Variants in SHOX observed in about 807,000 individuals in gnomAD.
SHOX encodes the protein SHOX homeobox.
Under a neutral mutation model 29.6 loss-of-function variants are expected in SHOX, and 12 were observed. That is an observed-to-expected ratio of 0.41 (90% confidence interval 0.26 to 0.66). SHOX has a LOEUF of 0.66. SHOX is among the 30% of genes least tolerant of loss of function. The pLI, the probability that SHOX is intolerant of heterozygous loss-of-function variation, is 0.35. For missense variants in SHOX, 499 were observed against 437.7 expected, an observed-to-expected ratio of 1.14 and a Z score of -1.25; for synonymous variants, 214 against 200.6, an observed-to-expected ratio of 1.07 and a Z score of -0.57.
chrX:638,560 G>A (rs2052796340), intron 2 of SHOX, among the ~76,000 whole-genome samples: 1 of 152,168 alleles, frequency 6.6e-6, no homozygotes, highest in African/African-American at 2.4e-5. Context: ...GACTTTGCTG[G>A]GAAACAGGAT....
At chrX:641,115 TC>T in intron 4 of SHOX, 28 bp downstream of exon 4, 1 of 1,600,932 alleles carries the variant, frequency 6.2e-7, no homozygotes, top group Non-Finnish European at 8.6e-7. Context: ...CCTCTGAAGA[TC>T]CCTAGGGACC....
downstream of SHOX, among the ~76,000 whole-genome samples, chrX:655,230 C>T (rs985666601): frequency 6.6e-6 from 1 of 151,882 alleles, no homozygotes; most frequent in Non-Finnish European, 1.5e-5. Context: ...GCCTCAGCCT[C>T]CCGAGTAGCT....
upstream of SHOX, among the ~76,000 whole-genome samples, chrX:629,687 C>T (rs1194192341): frequency 1.3e-5 from 2 of 152,132 alleles, no homozygotes; most frequent in African/African-American, 4.8e-5. Context: ...TCCTGGGTCC[C>T]CAGGCCCCGC....
chrX:624,902 CTCT>C (rs2052485162), intron 1 of SHOX, among the ~76,000 whole-genome samples: 10 of 55,714 alleles, frequency 1.8e-4, no homozygotes, highest in South Asian at 6.3e-4. Flanking sequence ...TTCTTTCTTT[CTCT>C]CTTCCTTTCT....
Position 631,072 on chromosome X carries a change from A to T in SHOX, c.175A>T (p.Ile59Phe). The T allele has an allele frequency of 6.2e-7, 1 of 1,613,766 alleles. No homozygotes were observed. ...LGTSDSSLQD[I>F]TEGGGHCPVH... ...GACGTCGGATTCCAGCCTCCAGGAC[A>T]TCACGGAGGGCGGCGGCCACTGCCC... The change falls in exon 1 of 5, where the codon ATC becomes TTC. Residue 59 changes from isoleucine (I) to phenylalanine (F), a missense_variant. By Grantham distance (21) the Ile-to-Phe change is conservative (BLOSUM62 0). Transcript: ENST00000686671.
At position 651,456 on chromosome X, in the gene SHOX, C is replaced by T. The variant is rs1207505513; in HGVS notation, c.*6820C>T. ...ACCACCCTGAGTTTCTCTGGTGACG[C>T]CCTCATTCTCCTAACGTTCAATAAT... On this transcript the variant is annotated 3_prime_UTR_variant, in exon 5 of 5. Transcript: ENST00000686671. 7 of 450,136 alleles carry T rather than the reference C, an allele frequency of 1.6e-5. No homozygotes were observed. The highest frequency in any genetic ancestry group is 1.4e-4 in the African/African-American group (7 of 49,356). 27.9% of individuals were successfully genotyped at this position (450,136 alleles called of 1,614,324 possible).
chrX:652,030 C>G (rs1346432026), downstream of SHOX, among the ~76,000 whole-genome samples: 1 of 152,088 alleles, frequency 6.6e-6, no homozygotes, highest in African/African-American at 2.4e-5. Flanking sequence ...TCAAGCGACT[C>G]TCCTGCCTCA....
upstream of SHOX, among the ~76,000 whole-genome samples, chrX:626,430 T>C (rs1440414147): frequency 1.0e-5 from 1 of 99,328 alleles, no homozygotes; most frequent in Non-Finnish European, 2.2e-5. Context: ...TCTGTCTTCG[T>C]TCCTCTCTCT....
downstream of SHOX, among the ~76,000 whole-genome samples, chrX:651,641 G>A (rs1328378629): frequency 2.8e-5 from 3 of 107,528 alleles, no homozygotes; most frequent in South Asian, 3.2e-4. Context: ...AGGCTTATTG[G>A]AAAAAAAAAA....
At position 644,925 on chromosome X, in the gene SHOX, A is replaced by C; in HGVS notation, c.*289A>C. On this transcript the variant is annotated 3_prime_UTR_variant, in exon 5 of 5. Transcript: ENST00000686671. ...GCGTCCTGGGACCCTGGAGAAGGGT[A>C]AACCCCCGCCTGGCTGCGTCTTCCT... The C allele has an allele frequency of 2.4e-6, 1 of 418,326 alleles. No individual in the cohort carries two copies. Among genetic ancestry groups the C allele is most frequent in the East Asian group, 4.1e-5 (1 of 24,428 alleles). The allele number at this position is 418,326 out of a possible 1,614,324, so 25.9% of individuals were successfully genotyped here. A position where few individuals can be genotyped will look rare whatever the true frequency, so the allele number is the denominator to read the frequency against.
At chrX:624,964 G>C (rs1004589260) in intron 1 of SHOX, among the ~76,000 whole-genome samples, 2 of 128,538 alleles carry the variant, frequency 1.6e-5, no homozygotes, top group Non-Finnish European at 3.2e-5. Flanking sequence ...ATTGCTTTTG[G>C]AGCTTTCCTT....
chrX:627,176 G>A (rs1431161186), upstream of SHOX, among the ~76,000 whole-genome samples: 4 of 152,164 alleles, frequency 2.6e-5, no homozygotes, highest in African/African-American at 9.7e-5. Context: ...CTTTCTGCCT[G>A]CAGCCGCCTG....
Position 649,069 on chromosome X carries a change from A to C in SHOX, c.*4433A>C. Among the ~76,000 whole-genome samples the C allele has an allele frequency of 7.3e-6, 1 of 137,400 alleles. No individual in the cohort carries two copies. Among genetic ancestry groups the C allele is most frequent in the African/African-American group, 2.7e-5 (1 of 36,472 alleles). 90.1% of individuals were successfully genotyped at this position (137,400 alleles called of 152,430 possible). On this transcript the variant is annotated 3_prime_UTR_variant, in exon 5 of 5. Coordinates refer to ENST00000686671, the MANE Select transcript of SHOX (RefSeq NM_000451.4). ...TTCTTTCTTTCTTCGATGAAGTCTC[A>C]CTCTGTCACCCAGGCTGGAGTGCAG...
At chrX:636,970 A>ATATATATATATATATATATATTTTTTTTT (rs1458275715) in intron 2 of SHOX, among the ~76,000 whole-genome samples, 1 of 137,330 alleles carries the variant, frequency 7.3e-6, no homozygotes, top group Admixed American at 7.6e-5. Flanking sequence ...ATATATATAT[A>ATATATATATATATATATATATTTTTTTTT]TTTTGGCTCC....
At chrX:640,128 T>C (rs1343183761) in intron 2 of SHOX, among the ~76,000 whole-genome samples, 2 of 152,080 alleles carry the variant, frequency 1.3e-5, no homozygotes, top group Non-Finnish European at 2.9e-5. Flanking sequence ...GTGGATCGCT[T>C]GAGGTCAGGA....
At position 630,955 on chromosome X, in the gene SHOX, A is replaced by G. The variant is rs1222199010; in HGVS notation, c.58A>G (p.Asn20Asp). The G allele has an allele frequency of 3.7e-6, 6 of 1,613,816 alleles. No homozygotes were observed. Among genetic ancestry groups the G allele is most frequent in the Middle Eastern group, 1.7e-4 (1 of 6,056 alleles). The change falls in exon 1 of 5, where the codon AAC becomes GAC. Residue 20 changes from asparagine to aspartate, a missense_variant. Asn to Asp is a conservative substitution (Grantham distance 23, BLOSUM62 1). Coordinates refer to ENST00000686671, the MANE Select transcript of SHOX (RefSeq NM_000451.4). ...TTTTGACCAGAAAAGCAAGGACGGTAACGGCGGAGGCGGAGGCGGCGGAGG... is the reference window on the plus strand; with the variant it reads ...TTTTGACCAGAAAAGCAAGGACGGTGACGGCGGAGGCGGAGGCGGCGGAGG... ...KSFDQKSKDG[N>D]GGGGGGGGKK...
At chrX:634,536 C>G in intron 1 of SHOX, 82 bp from the exon 2 acceptor site, 1 of 1,474,058 alleles carries the variant, frequency 6.8e-7, no homozygotes, top group Non-Finnish European at 9.4e-7. Flanking sequence ...GCCCCCTTTC[C>G]ACCGCGGGAT....
Position 630,912 on chromosome X carries a change from G to C in SHOX, c.15G>C (p.Thr5=). Residue 5 remains threonine (T), a synonymous_variant, in exon 1 of 5, where the codon ACG becomes ACC. Coordinates refer to ENST00000686671, the MANE Select transcript of SHOX (RefSeq NM_000451.4). ...CGGCCCCAGCCATGGAAGAGCTCAC[G>C]GCTTTTGTATCCAAGTCTTTTGACC... MEEL[T]AFVSKSFDQK... 2 of 1,613,538 alleles carry C rather than the reference G, an allele frequency of 1.2e-6. No homozygotes were observed. Among genetic ancestry groups the C allele is most frequent in the Non-Finnish European group, 1.7e-6 (2 of 1,179,834 alleles).
chrX:630,180 G>A (rs1569492949), upstream of SHOX, among the ~76,000 whole-genome samples: 1 of 152,146 alleles, frequency 6.6e-6, no homozygotes, highest in Non-Finnish European at 1.5e-5. Context: ...GGGACACCCG[G>A]CCCCTTCTTC....
Sources: allele counts gnomAD v4.1 joint callset (sites outside exome capture counted in the v4.1 genomes callset), GRCh38; gene constraint gnomAD v4.1.1; transcripts MANE v1.5; gene names NCBI Gene and HGNC (gene_info 2026-07-23, HGNC 2026-07-21).